DCAF16: variants seen among roughly 807,000 people sequenced by gnomAD.
The protein encoded by DCAF16 is DDB1- and CUL4-associated factor 16.
Under a neutral mutation model 17.3 loss-of-function variants are expected in DCAF16, and 10 were observed. The ratio of observed to expected loss-of-function variants is 0.58; its 90% CI spans 0.36 to 0.98. The LOEUF is 0.98. DCAF16 is among the 50% of genes least tolerant of loss of function. The probability of loss-of-function intolerance (pLI) is 0.01; values close to 1 mark genes in which losing one functional copy is unlikely to be tolerated. For synonymous variants in DCAF16, 111 were observed against 92.8 expected (o/e 1.20, Z -1.12); for missense variants, 249 against 247.6 (o/e 1.01, Z -0.04).
rs1313834338 is a variant in DCAF16, at chr4:17,801,234, T to A, written c.*2257A>T. On this transcript the variant is annotated 3_prime_UTR_variant, in exon 3 of 3. Transcript: ENST00000382247. ...ACCTCCACCTCCCAGGTTCAAGCAA[T>A]TCTCCTGTCTTAGCCTCCCAAGTAG... The A allele has an allele frequency of 2.0e-5, 3 of 152,074 alleles. No individual in the cohort carries two copies. Among genetic ancestry groups the A allele is most frequent in the Non-Finnish European group, 4.4e-5 (3 of 68,054 alleles). The allele number at this position is 152,074 out of a possible 1,614,324, so 9.4% of individuals were successfully genotyped here.
downstream of DCAF16, among the ~76,000 whole-genome samples, chr4:17,800,072 A>T (rs1054708057): frequency 2.9e-5 from 4 of 139,596 alleles, no homozygotes; most frequent in Non-Finnish European, 6.0e-5. Context: ...TGAACCCGGG[A>T]GGTGGAGGTT....
In DCAF16 at chr4:17,804,329, G is replaced by T; in HGVS notation, c.-188C>A. The T allele has an allele frequency of 1.6e-6, 1 of 610,284 alleles. No individual in the cohort carries two copies. The highest frequency in any genetic ancestry group is 2.8e-5 in the East Asian group (1 of 35,472). 37.8% of individuals were successfully genotyped at this position (610,284 alleles called of 1,614,324 possible). On this transcript the variant is annotated 5_prime_UTR_variant, in exon 3 of 3. Transcript: ENST00000382247. ...CTGTGCCGTTCTTCAAGATTATGTT[G>T]TATATTCTTCACTTACAAAGAAGAC...
intron 1 of DCAF16, among the ~76,000 whole-genome samples, chr4:17,807,577 G>C (rs1238281705): frequency 1.3e-5 from 2 of 152,192 alleles, no homozygotes; most frequent in Non-Finnish European, 2.9e-5. Context: ...TTTGGGCATA[G>C]ATAGCAAAGA....
chr4:17,803,221 C>T lies in DCAF16; in HGVS notation c.*270G>A. The T allele has an allele frequency of 9.8e-6, 4 of 409,560 alleles. No homozygotes were observed. Among genetic ancestry groups the T allele is most frequent in the African/African-American group, 2.0e-5 (1 of 49,668 alleles). The allele number at this position is 409,560 out of a possible 1,614,324, so 25.4% of individuals were successfully genotyped here. A position where few individuals can be genotyped will look rare whatever the true frequency, so the allele number is the denominator to read the frequency against. ...TTTATTTTTAGTAGAGACAGGGTTT[C>T]ACTGTGTTGGCAAGGCTGGTCTCAA... On this transcript the variant is annotated 3_prime_UTR_variant, in exon 3 of 3. Coordinates refer to ENST00000382247, the MANE Select transcript of DCAF16 (RefSeq NM_017741.4).
At chr4:17,796,367 G>T (rs1719427402), downstream of DCAF16, among the ~76,000 whole-genome samples, 1 of 151,914 alleles carries the variant, frequency 6.6e-6, no homozygotes, top group Admixed American at 6.6e-5. Context: ...TTTAAAGAGT[G>T]ATATACTTTC....
intron 1 of DCAF16, among the ~76,000 whole-genome samples, chr4:17,808,374 C>G: frequency 6.6e-6 from 1 of 152,142 alleles, no homozygotes; most frequent in East Asian, 1.9e-4. Context: ...TGTGAGATTA[C>G]TAATTGGCTA....
rs1719757857 is a variant in DCAF16, at chr4:17,801,327, C to T, written c.*2164G>A. ...TATTTTTAGTAGAGATGGGCTTTCA[C>T]CATGTTGGCCAGGCTGGTCACGAAC... On this transcript the variant is annotated 3_prime_UTR_variant, in exon 3 of 3. Transcript: ENST00000382247. The T allele has an allele frequency of 3.9e-5, 6 of 152,236 alleles. No individual in the cohort carries two copies. The South Asian group carries it at 1.2e-3, about 32-fold the overall frequency. The allele number at this position is 152,236 out of a possible 1,614,324, so 9.4% of individuals were successfully genotyped here. A position where few individuals can be genotyped will look rare whatever the true frequency, so the allele number is the denominator to read the frequency against.
In DCAF16 at chr4:17,803,476, G is replaced by T. The variant is rs1437019369; in HGVS notation, c.*15C>A. 4.4e-6 allele frequency: 7 copies of T among 1,606,632 alleles called. No homozygotes were observed. The highest frequency in any genetic ancestry group is 1.7e-5 in the Admixed American group (1 of 59,752). ...AATTAGCAACATCAGAGATATCAGA[G>T]CAAATGGTAGATCTTTACAGTGATG... On this transcript the variant is annotated 3_prime_UTR_variant, in exon 3 of 3. Coordinates refer to ENST00000382247, the MANE Select transcript of DCAF16 (RefSeq NM_017741.4).
downstream of DCAF16, chr4:17,800,536 A>T (rs946928936): frequency 6.6e-5 from 10 of 152,530 alleles, no homozygotes; most frequent in African/African-American, 2.4e-5. Context: ...CCTGTCAGAC[A>T]TACTATATAG....
chr4:17,798,810 A>G (rs1719555701), downstream of DCAF16, among the ~76,000 whole-genome samples: 1 of 152,214 alleles, frequency 6.6e-6, no homozygotes, highest in African/African-American at 2.4e-5. Flanking sequence ...GGCAAACTGC[A>G]TGGAATTAGC....
the DCAF16 span, among the ~76,000 whole-genome samples, chr4:17,793,664 TAGAAA>T: frequency 2.6e-5 from 4 of 152,192 alleles, no homozygotes; most frequent in African/African-American, 9.7e-5. Flanking sequence ...AACAGATCTT[TAGAAA>T]AGAAGAGTTA....
At position 17,801,883 on chromosome 4, in the gene DCAF16, C is replaced by T. The variant is rs1488223390; in HGVS notation, c.*1608G>A. The T allele has an allele frequency of 6.6e-6, 1 of 152,102 alleles. No homozygotes were observed. Among genetic ancestry groups the T allele is most frequent in the Non-Finnish European group, 1.5e-5 (1 of 68,076 alleles). The allele number at this position is 152,102 out of a possible 1,614,324, so 9.4% of individuals were successfully genotyped here. ...CTTTGGGAGGCCGAGGCAGGTGGATCACGAGGTCAGGAGATCAAGACCATC... is the reference window on the plus strand; with the variant it reads ...CTTTGGGAGGCCGAGGCAGGTGGATTACGAGGTCAGGAGATCAAGACCATC... On this transcript the variant is annotated 3_prime_UTR_variant, in exon 3 of 3. Coordinates refer to ENST00000382247, the MANE Select transcript of DCAF16 (RefSeq NM_017741.4).
downstream of DCAF16, among the ~76,000 whole-genome samples, chr4:17,800,087 T>G (rs1272461222): frequency 7.0e-6 from 1 of 141,902 alleles, no homozygotes; most frequent in Non-Finnish European, 1.5e-5. Flanking sequence ...GAGGTTGCAG[T>G]GAGCCGAGAT....
At chr4:17,796,573 G>T (rs1719436840), downstream of DCAF16, among the ~76,000 whole-genome samples, 1 of 152,108 alleles carries the variant, frequency 6.6e-6, no homozygotes. Flanking sequence ...TGGGCATGGT[G>T]GTGCGCACCT....
In DCAF16 at chr4:17,803,901, A is replaced by G. The variant is rs1164140592; in HGVS notation, c.241T>C (p.Leu81=). 7 of 1,614,042 alleles carry G rather than the reference A, an allele frequency of 4.3e-6. No individual in the cohort carries two copies. In the South Asian group the frequency reaches 7.7e-5, roughly 18 times the overall value. The change falls in exon 3 of 3, where the codon TTG becomes CTG. Residue 81 remains leucine, a synonymous_variant. Coordinates refer to ENST00000382247, the MANE Select transcript of DCAF16 (RefSeq NM_017741.4). ...ATATGGACTGGTGTGCTTGGATCCA[A>G]CAGTTTAGCATGATACAACCAGGAA... ...PNSWLYHAKL[L]DPSTPVHILR...
At chr4:17,800,494 T>C (rs1359029625), downstream of DCAF16, among the ~76,000 whole-genome samples, 1 of 152,158 alleles carries the variant, frequency 6.6e-6, no homozygotes. Flanking sequence ...CTTCTTCAAG[T>C]GTGTTTCTTC....
chr4:17,805,414 T>C (rs1720230593), intron 1 of DCAF16, among the ~76,000 whole-genome samples, 189 bp from the exon 2 acceptor site: 1 of 152,016 alleles, frequency 6.6e-6, no homozygotes, highest in Non-Finnish European at 1.5e-5. Context: ...AAATATGGCC[T>C]ATCCCAGGAA....
At chr4:17,806,213 T>A (rs1418185778) in intron 1 of DCAF16, among the ~76,000 whole-genome samples, 2 of 152,208 alleles carry the variant, frequency 1.3e-5, no homozygotes, top group Non-Finnish European at 2.9e-5. Context: ...TATTCATTAA[T>A]TTAATTACTC....
At chr4:17,807,749 T>C (rs1720459833) in intron 1 of DCAF16, among the ~76,000 whole-genome samples, 1 of 152,218 alleles carries the variant, frequency 6.6e-6, no homozygotes, top group African/African-American at 2.4e-5. Flanking sequence ...TTTAAAGGCA[T>C]AGCTTTAAAT....
Sources: allele counts gnomAD v4.1 joint callset (sites outside exome capture counted in the v4.1 genomes callset), GRCh38; gene constraint gnomAD v4.1.1; transcripts MANE v1.5; gene names NCBI Gene and HGNC (gene_info 2026-07-23, HGNC 2026-07-21).